The following PPIE variants were observed in gnomAD, a reference collection of about 807,000 sequenced individuals.
The protein encoded by PPIE is peptidyl-prolyl cis-trans isomerase E.
Under a neutral mutation model 38.4 loss-of-function variants are expected in PPIE, and 20 were observed. The observed-to-expected ratio is 0.52, with a 90% CI of 0.37 to 0.76. The LOEUF (loss-of-function observed/expected upper bound fraction) is 0.76. Among genes scored for constraint, PPIE ranks in the 30% least tolerant of loss-of-function variants. The pLI, the probability that PPIE is intolerant of heterozygous loss-of-function variation, is 0.00. For synonymous variants in PPIE, 142 were observed against 135.7 expected (o/e 1.05, Z -0.32); for missense variants, 322 against 385.8 (o/e 0.83, Z 1.39).
Position 39,755,476 on chromosome 1 carries a change from A to C in PPIE, c.*2121A>C. 1 of 985,400 alleles carries C rather than the reference A, an allele frequency of 1.0e-6. No homozygotes were observed. The highest frequency in any genetic ancestry group is 1.2e-6 in the Non-Finnish European group (1 of 829,920). 61.0% of individuals were successfully genotyped at this position (985,400 alleles called of 1,614,324 possible). A position where few individuals can be genotyped will look rare whatever the true frequency, so the allele number is the denominator to read the frequency against. On this transcript the variant is annotated 3_prime_UTR_variant, in exon 10 of 10. Coordinates refer to ENST00000324379, the MANE Select transcript of PPIE (RefSeq NM_006112.4). ...CCCCTCACCCCTATGGAGCTTCCAA[A>C]AGAGACCCTCCCTCAAAGCACAGCC...
intron 1 of PPIE, 157 bp downstream of exon 1, chr1:39,739,088 A>C: frequency 1.3e-6 from 1 of 757,084 alleles, no homozygotes; most frequent in Non-Finnish European, 1.9e-6. Context: ...CTGTGCTTAA[A>C]CTCCTTCCAA....
At chr1:39,744,256 T>C (rs1046768144) in intron 6 of PPIE, among the ~76,000 whole-genome samples, 11 of 152,160 alleles carry the variant, frequency 7.2e-5, no homozygotes, top group Non-Finnish European at 1.5e-4. Flanking sequence ...TCAGTCCCCC[T>C]CCTTCACTGA....
chr1:39,755,091 C>T lies in PPIE; in HGVS notation c.*1736C>T. The T allele has an allele frequency of 1.0e-6, 1 of 985,462 alleles. No individual in the cohort carries two copies. The highest frequency in any genetic ancestry group is 1.7e-5 in the African/African-American group (1 of 57,368). 61.0% of individuals were successfully genotyped at this position (985,462 alleles called of 1,614,324 possible). On this transcript the variant is annotated 3_prime_UTR_variant, in exon 10 of 10. Transcript: ENST00000324379. ...TCCTGTGTGCAGCCACTTCTTGGAGCTGGCTTCTCTCCACTCCCCCTCCAG... is the reference window on the plus strand; with the variant it reads ...TCCTGTGTGCAGCCACTTCTTGGAGTTGGCTTCTCTCCACTCCCCCTCCAG...
At chr1:39,747,063 C>G (rs1399082212) in intron 7 of PPIE, 2 of 152,176 alleles carry the variant, frequency 1.3e-5, no homozygotes, top group Non-Finnish European at 2.9e-5. Context: ...CAATAGCTGT[C>G]CTTTTCCACG....
At chr1:39,762,970 C>A in intron 9 of PPIE, 1 of 1,251,326 alleles carries the variant, frequency 8.0e-7, no homozygotes, top group Non-Finnish European at 1.1e-6. Context: ...ACTGACTGTG[C>A]AGACAAAGCC....
At chr1:39,762,696 C>T in intron 9 of PPIE, 1 of 1,476,134 alleles carries the variant, frequency 6.8e-7, no homozygotes, top group Admixed American at 2.6e-5. Context: ...GCACACATAT[C>T]ACGGGCGGTC....
intron 6 of PPIE, among the ~76,000 whole-genome samples, chr1:39,744,450 C>T (rs1647143529): frequency 6.6e-6 from 1 of 152,234 alleles, no homozygotes. Context: ...TGGGCGTCCC[C>T]TCCTCTGAGT....
Position 39,755,463 on chromosome 1 carries a change from A to G in PPIE, c.*2108A>G, listed in dbSNP as rs1054690614. ...TACTACATGGTTACCCCTCACCCCT[A>G]TGGAGCTTCCAAAAGAGACCCTCCC... On this transcript the variant is annotated 3_prime_UTR_variant, in exon 10 of 10. Transcript: ENST00000324379. 9.1e-6 allele frequency: 9 copies of G among 985,360 alleles called. No homozygotes were observed. Among genetic ancestry groups the G allele is most frequent in the Non-Finnish European group, 1.1e-5 (9 of 829,908 alleles). The allele number at this position is 985,360 out of a possible 1,614,324, so 61.0% of individuals were successfully genotyped here. A position where few individuals can be genotyped will look rare whatever the true frequency, so the allele number is the denominator to read the frequency against.
At chr1:39,752,750 C>T (rs1647867070) in intron 8 of PPIE, among the ~76,000 whole-genome samples, 160 bp from the exon 9 acceptor site, 1 of 152,260 alleles carries the variant, frequency 6.6e-6, no homozygotes, top group Non-Finnish European at 1.5e-5. Context: ...ATTTCACTGA[C>T]TATTAACTGA....
rs531476516 is a variant in PPIE at position 39,762,588 on chromosome 1, G to A, written c.838-1101G>A. On this transcript the variant is annotated intron_variant, in intron 9 of 9. Coordinates refer to the PPIE transcript ENST00000356511. ...ACAAAGATGGCCAAGAGAGAAACTG[G>A]GGGAAAAGCCAAAAGGTTGAGAGCC... is the stretch of plus-strand genomic sequence containing the variant. The A allele has an allele frequency of 2.2e-5, 34 of 1,549,372 alleles. No homozygotes were observed. The African/African-American group carries it at 3.9e-4, about 18-fold the overall frequency.
intron 8 of PPIE, among the ~76,000 whole-genome samples, chr1:39,752,625 T>C (rs1166647320): frequency 1.3e-5 from 2 of 152,256 alleles, no homozygotes; most frequent in African/African-American, 4.8e-5. Flanking sequence ...GTTCTGCTCA[T>C]CAGTGTTCCC....
downstream of PPIE, chr1:39,760,264 G>A: frequency 8.0e-7 from 1 of 1,250,670 alleles, no homozygotes; most frequent in Non-Finnish European, 1.1e-6. Flanking sequence ...GAGCATAGGA[G>A]CCTGGCATGA....
At position 39,755,747 on chromosome 1, in the gene PPIE, G is replaced by A. The variant is rs578073384; in HGVS notation, c.*2392G>A. 2 of 985,366 alleles carry A rather than the reference G, an allele frequency of 2.0e-6. No homozygotes were observed. The highest frequency in any genetic ancestry group is 2.4e-6 in the Non-Finnish European group (2 of 829,922). 61.0% of individuals were successfully genotyped at this position (985,366 alleles called of 1,614,324 possible). Reference sequence around the variant, plus strand: ...CAGTTCTGAAAGCTCAGCAGGTTTGGAGCCATTGGGTGTGGACTCCTCTCC... The same window carrying A: ...CAGTTCTGAAAGCTCAGCAGGTTTGAAGCCATTGGGTGTGGACTCCTCTCC... On this transcript the variant is annotated 3_prime_UTR_variant, in exon 10 of 10. Transcript: ENST00000324379.
chr1:39,752,125 G>T (rs144494513), intron 8 of PPIE, among the ~76,000 whole-genome samples: 119 of 152,180 alleles, frequency 7.8e-4, no homozygotes, highest in Non-Finnish European at 1.5e-3. Context: ...GATTTCCAAA[G>T]GTTTCCTAGG....
rs1648075869 is a variant in PPIE, at chr1:39,754,596, C to T, written c.*1241C>T. Reference sequence around the variant, plus strand: ...AAAAAATAGGCCAGGCATGGTGGCTCATGCCTATAATTCCACCACTATTGG... The same window carrying T: ...AAAAAATAGGCCAGGCATGGTGGCTTATGCCTATAATTCCACCACTATTGG... On this transcript the variant is annotated 3_prime_UTR_variant, in exon 10 of 10. Coordinates refer to ENST00000324379, the MANE Select transcript of PPIE (RefSeq NM_006112.4). 6.6e-6 allele frequency among the ~76,000 whole-genome samples: 1 copy of T among 152,294 alleles called. No homozygotes were observed. The highest frequency in any genetic ancestry group is 2.1e-4 in the South Asian group (1 of 4,828).
chr1:39,745,284 A>C, intron 6 of PPIE, 91 bp from the exon 7 acceptor site: 1 of 1,540,076 alleles, frequency 6.5e-7, no homozygotes, highest in Non-Finnish European at 8.9e-7. Flanking sequence ...TACGCACTGG[A>C]GTTGTGTTCT....
In PPIE at chr1:39,755,160, G is replaced by A. The variant is rs1226212535; in HGVS notation, c.*1805G>A. On this transcript the variant is annotated 3_prime_UTR_variant, in exon 10 of 10. Transcript: ENST00000324379. Reference sequence around the variant, plus strand: ...GTTATAAAGAATCTCATCTGCTGAAGGCTTTTAGCAGGGACTGAGTCCTGT... The same window carrying A: ...GTTATAAAGAATCTCATCTGCTGAAAGCTTTTAGCAGGGACTGAGTCCTGT... The A allele has an allele frequency of 5.1e-6, 5 of 985,358 alleles. No homozygotes were observed. The highest frequency in any genetic ancestry group is 3.6e-6 in the Non-Finnish European group (3 of 829,946). The allele number at this position is 985,358 out of a possible 1,614,324, so 61.0% of individuals were successfully genotyped here.
chr1:39,748,197 T>C (rs1647327311), intron 7 of PPIE: 1 of 152,272 alleles, frequency 6.6e-6, no homozygotes, highest in Non-Finnish European at 1.5e-5. Context: ...TTGCCCTCTA[T>C]TGGTACGGTT....
intron 4 of PPIE, chr1:39,742,771 C>T (rs936729410): frequency 4.6e-5 from 7 of 152,890 alleles, no homozygotes; most frequent in African/African-American, 1.7e-4. Context: ...TTCATCACCA[C>T]TTCAAGTGGA....
Sources: allele counts gnomAD v4.1 joint callset (sites outside exome capture counted in the v4.1 genomes callset), GRCh38; gene constraint gnomAD v4.1.1; transcripts MANE v1.5; gene names NCBI Gene and HGNC (gene_info 2026-07-23, HGNC 2026-07-21).